RHOQ: variants seen among roughly 807,000 people sequenced by gnomAD.
The protein encoded by RHOQ is ras homolog family member Q, also known as rho-related GTP-binding protein RhoQ.
Under a neutral mutation model 25.8 loss-of-function variants are expected in RHOQ, and 7 were observed. The ratio of observed to expected loss-of-function variants is 0.27; its 90% CI spans 0.15 to 0.51. The LOEUF is 0.51. Among genes scored for constraint, RHOQ ranks in the 20% least tolerant of loss-of-function variants. The pLI is 0.97. For missense variants in RHOQ, 165 were observed against 260.6 expected, an observed-to-expected ratio of 0.63 and a Z score of 2.53; for synonymous variants, 97 against 98.6, an observed-to-expected ratio of 0.98 and a Z score of 0.10.
intron 2 of RHOQ, among the ~76,000 whole-genome samples, chr2:46,575,871 G>A (rs772998134): frequency 5.9e-5 from 9 of 152,198 alleles, no homozygotes; most frequent in South Asian, 2.1e-4. Flanking sequence ...CATTGTCATT[G>A]TTAATGATAT....
chr2:46,561,423 G>A (rs1344876200), intron 2 of RHOQ, among the ~76,000 whole-genome samples: 1 of 152,002 alleles, frequency 6.6e-6, no homozygotes, highest in African/African-American at 2.4e-5. Flanking sequence ...TGTGGGAGCA[G>A]CCTATGTTCA....
intron 2 of RHOQ, among the ~76,000 whole-genome samples, chr2:46,571,011 G>A (rs529493599): frequency 2.3e-4 from 35 of 152,258 alleles, no homozygotes; most frequent in African/African-American, 4.8e-4. Context: ...TAAGTCTCCC[G>A]TTTTTCAGAC....
At chr2:46,573,558 T>C (rs7557785) in intron 2 of RHOQ, among the ~76,000 whole-genome samples, 8,177 of 152,324 alleles carry the variant, frequency 0.054, 376 homozygotes, top group African/African-American at 0.12. Context: ...ATTGGTCCAA[T>C]TGTCCTCCTT....
At chr2:46,551,778 G>T (rs1429639633) in intron 2 of RHOQ, among the ~76,000 whole-genome samples, 1 of 152,142 alleles carries the variant, frequency 6.6e-6, no homozygotes, top group Non-Finnish European at 1.5e-5. Context: ...TAGACTGAGG[G>T]GCTTAAAAGT....
rs568987029 is a variant in RHOQ at position 46,566,249 on chromosome 2, T to C, written c.202-9838T>C. On this transcript the variant is annotated intron_variant, in intron 2 of 4. Transcript: ENST00000238738. The surrounding 1 kb of genome is among the most constrained non-coding windows in gnomAD (Gnocchi z 4.2). ...AATGTTGAATTTGAGATGCTTCTGG[T>C]TCAGCTAAAAGGAGGTACATAGTAA... Among the ~76,000 whole-genome samples the C allele has an allele frequency of 1.5e-4, 23 of 152,276 alleles. No individual in the cohort carries two copies. Among genetic ancestry groups the C allele is most frequent in the African/African-American group, 4.8e-4 (20 of 41,568 alleles).
intron 2 of RHOQ, among the ~76,000 whole-genome samples, chr2:46,565,072 A>G (rs1053085682): frequency 1.4e-4 from 22 of 152,212 alleles, no homozygotes; most frequent in African/African-American, 5.3e-4. Flanking sequence ...GAGCAGCTGC[A>G]GAAGGAGAAG....
rs771171542 is a variant in RHOQ at position 46,580,687 on chromosome 2, C to T, written c.463-241C>T. 49 of 329,316 alleles carry T rather than the reference C, an allele frequency of 1.5e-4. 1 individual carries two copies. Among genetic ancestry groups the T allele is most frequent in the Admixed American group, 2.9e-4 (6 of 20,358 alleles). 20.4% of individuals were successfully genotyped at this position (329,316 alleles called of 1,614,324 possible). ...CACTGACATATCCCCAGGACCTAAA[C>T]AGTGCTTGACATATAGTAGATACCC... is the stretch of plus-strand genomic sequence containing the variant. On this transcript the variant is annotated intron_variant, in intron 4 of 4. Transcript: ENST00000238738.
At chr2:46,559,122 T>C (rs1668491186) in intron 2 of RHOQ, among the ~76,000 whole-genome samples, 1 of 152,060 alleles carries the variant, frequency 6.6e-6, no homozygotes, top group Non-Finnish European at 1.5e-5. Flanking sequence ...TCTGGCTAGT[T>C]TTTTGTTTGT....
intron 2 of RHOQ, among the ~76,000 whole-genome samples, chr2:46,574,403 A>C (rs1669039740): frequency 6.6e-6 from 1 of 151,896 alleles, no homozygotes; most frequent in Non-Finnish European, 1.5e-5. Flanking sequence ...AAGTACATAT[A>C]AGGCACTCAA....
chr2:46,555,745 G>T lies in RHOQ; in HGVS notation c.201+11933G>T, dbSNP rs1460102848. ...TCCTTCACTGGGCTTTATGTCAGGT[G>T]TGCTTCCAGAGTGGCCTGTGGCCCT... On this transcript the variant is annotated intron_variant, in intron 2 of 4. Coordinates refer to ENST00000238738, the MANE Select transcript of RHOQ (RefSeq NM_012249.4). This position sits in a 1 kb window ranked among gnomAD's most constrained non-coding sequence, Gnocchi z 4.3. Among the ~76,000 whole-genome samples, 1 of 152,328 alleles carries T rather than the reference G, an allele frequency of 6.6e-6. No homozygotes were observed. The highest frequency in any genetic ancestry group is 2.1e-4 in the South Asian group (1 of 4,830).
rs908178158 is a variant in RHOQ, at chr2:46,577,565, ATTTTTTT to A, written c.462+927_462+933del. On this transcript the variant is annotated intron_variant, in intron 4 of 4. Coordinates refer to ENST00000238738, the MANE Select transcript of RHOQ (RefSeq NM_012249.4). ...CAGGTGCCTGCCACCACACCCGGCT[ATTTTTTT>A]TTTTTTTTTTTTTTTTTCATTTTTA... Among the ~76,000 whole-genome samples the A allele has an allele frequency of 1.2e-3, 81 of 64,948 alleles. 4 individuals are homozygous for A. The South Asian group carries it at 0.035, about 28-fold the overall frequency. The allele number at this position is 64,948 out of a possible 152,430, so 42.6% of individuals were successfully genotyped here.
Position 46,576,873 on chromosome 2 carries a change from C to G in RHOQ, c.462+217C>G, listed in dbSNP as rs76875301. The G allele has an allele frequency of 0.039, 14,992 of 383,358 alleles. 540 individuals carry two copies. The highest frequency in any genetic ancestry group is 0.13 in the African/African-American group (6,105 of 48,026). The allele number at this position is 383,358 out of a possible 1,614,324, so 23.7% of individuals were successfully genotyped here. On this transcript the variant is annotated intron_variant, in intron 4 of 4. Transcript: ENST00000238738. This position sits in a 1 kb window ranked among gnomAD's most constrained non-coding sequence, Gnocchi z 5.1. ...AGATGTCAGATAATTCGCCCAAGAT[C>G]CTGCAGGTAATAAATGGCAGAGTTG...
chr2:46,560,175 G>A (rs1047469383), intron 2 of RHOQ, among the ~76,000 whole-genome samples: 5 of 152,170 alleles, frequency 3.3e-5, no homozygotes, highest in African/African-American at 4.8e-5. Context: ...TGTGCAGTCC[G>A]GTGTTTAACT....
chr2:46,549,841 C>A (rs1165477929), intron 2 of RHOQ, among the ~76,000 whole-genome samples: 3 of 152,216 alleles, frequency 2.0e-5, no homozygotes, highest in African/African-American at 7.2e-5. Flanking sequence ...TGCGTTCTTG[C>A]TCTCTTCAAG....
intron 2 of RHOQ, among the ~76,000 whole-genome samples, chr2:46,561,814 C>T (rs569720685): frequency 6.6e-6 from 1 of 152,274 alleles, no homozygotes; most frequent in East Asian, 1.9e-4. Context: ...CCTCCCTCTG[C>T]ACCGCATTTT....
chr2:46,575,939 CA>C, intron 2 of RHOQ, 147 bp from the exon 3 acceptor site: 1 of 515,446 alleles, frequency 1.9e-6, no homozygotes, highest in Non-Finnish European at 3.2e-6. Flanking sequence ...ATAACAAAAA[CA>C]GAGTTATCTG....
chr2:46,575,113 C>CAGG (rs1669068149), intron 2 of RHOQ, among the ~76,000 whole-genome samples: 1 of 152,120 alleles, frequency 6.6e-6, no homozygotes, highest in Admixed American at 6.5e-5. Flanking sequence ...AAATAACCAT[C>CAGG]AGGAGTATAG....
intron 2 of RHOQ, chr2:46,560,638 G>A: frequency 2.2e-6 from 1 of 456,224 alleles, no homozygotes; most frequent in Non-Finnish European, 4.4e-6. Context: ...CAGTGGCCAG[G>A]ATCTGTTGTG....
rs1668288290 is a variant in RHOQ, at chr2:46,552,956, T to C, written c.201+9144T>C. 6.6e-6 allele frequency among the ~76,000 whole-genome samples: 1 copy of C among 152,196 alleles called. No homozygotes were observed. Among genetic ancestry groups the C allele is most frequent in the Non-Finnish European group, 1.5e-5 (1 of 68,032 alleles). On this transcript the variant is annotated intron_variant, in intron 2 of 4. Transcript: ENST00000238738. This position sits in a 1 kb window ranked among gnomAD's most constrained non-coding sequence, Gnocchi z 5.0. ...AAAGTTGTTTTTTAGCTGGAGAAAG[T>C]GATCAGTTTGGATTCTTACACGTAC...
Sources: allele counts gnomAD v4.1 joint callset (sites outside exome capture counted in the v4.1 genomes callset), GRCh38; gene constraint gnomAD v4.1.1; non-coding constraint Gnocchi (gnomAD v3.1); transcripts MANE v1.5; gene names NCBI Gene and HGNC (gene_info 2026-07-23, HGNC 2026-07-21).